MYPOP: variants seen among roughly 807,000 people sequenced by gnomAD.
MYPOP encodes the protein Myb related transcription factor, partner of profilin.
MYPOP carries 21 observed loss-of-function variants against 25.7 expected under a neutral mutation model. The ratio of observed to expected loss-of-function variants is 0.82; its 90% confidence interval spans 0.58 to 1.18. The LOEUF (loss-of-function observed/expected upper bound fraction) is 1.18, where lower values mean the gene tolerates loss of function less well. Ranked by LOEUF, MYPOP falls within the 50% of genes most tolerant of loss-of-function variation. The pLI is 0.00. For missense variants in MYPOP, 566 were observed against 588.3 expected, an observed-to-expected ratio of 0.96 and a Z score of 0.39; for synonymous variants, 280 against 247.9, an observed-to-expected ratio of 1.13 and a Z score of -1.22.
In MYPOP at chr19:45,890,940, G is replaced by T; in HGVS notation, c.883C>A (p.Leu295Met). 1 of 1,460,614 alleles carries T rather than the reference G, an allele frequency of 6.8e-7. No individual in the cohort carries two copies. The allele number at this position is 1,460,614 out of a possible 1,614,324, so 90.5% of individuals were successfully genotyped here. A position where few individuals can be genotyped will look rare whatever the true frequency, so the allele number is the denominator to read the frequency against. The change falls in exon 3 of 3, where the codon CTG becomes ATG. Residue 295 changes from leucine to methionine, a missense_variant. Leu to Met is a conservative substitution (Grantham distance 15, BLOSUM62 2). Transcript: ENST00000322217. ...ACTGGGGTTCCTGGCAGAAGGGGCA[G>T]CAGAGCGCTGAGGGCCTCGCTCAGT... ...AKLSEALSAL[L>M]PLLPGTPVDS...
Position 45,890,721 on chromosome 19 carries a change from G to GGGGGC in MYPOP, c.1101_1102insGCCCC (p.Pro368AlafsTer40). 2 of 1,418,516 alleles carry GGGGGC rather than the reference G, an allele frequency of 1.4e-6. No homozygotes were observed. Among genetic ancestry groups the GGGGGC allele is most frequent in the Non-Finnish European group, 1.9e-6 (2 of 1,026,520 alleles). The allele number at this position is 1,418,516 out of a possible 1,614,324, so 87.9% of individuals were successfully genotyped here. Reference sequence around the variant, plus strand: ...TGCGGAGGGAGCGGGGCTGGGGGGGGCCGGGGTGCCCCCTCCTCGCTCCTT... The same window carrying GGGGGC: ...TGCGGAGGGAGCGGGGCTGGGGGGGGGGGGCCCGGGGTGCCCCCTCCTCGCTCCTT... On this transcript the variant is annotated frameshift_variant, in exon 3 of 3. Coordinates refer to ENST00000322217, the MANE Select transcript of MYPOP (RefSeq NM_001012643.4). LOFTEE classifies it high-confidence loss of function.
At chr19:45,897,411 G>T (rs1208982652) in intron 2 of MYPOP, among the ~76,000 whole-genome samples, 1 of 152,126 alleles carries the variant, frequency 6.6e-6, no homozygotes, top group African/African-American at 2.4e-5. Context: ...TGGGCCTGGG[G>T]TGTGAGTGAC....
chr19:45,890,504 G>A lies in MYPOP; in HGVS notation c.*119C>T. The stretch of plus-strand genomic sequence containing the variant: ...AGGCACTAACTAGCACAGGGAGTGG[G>A]TGCTCACATCCCTGGAGCAGGGAGC... On this transcript the variant is annotated 3_prime_UTR_variant, in exon 3 of 3. Transcript: ENST00000322217. The A allele has an allele frequency of 6.1e-6, 9 of 1,478,730 alleles. No individual in the cohort carries two copies. Among genetic ancestry groups the A allele is most frequent in the Non-Finnish European group, 7.2e-6 (8 of 1,108,394 alleles). The allele number at this position is 1,478,730 out of a possible 1,614,324, so 91.6% of individuals were successfully genotyped here. A position where few individuals can be genotyped will look rare whatever the true frequency, so the allele number is the denominator to read the frequency against.
rs1378594957 is a variant in MYPOP at position 45,900,849 on chromosome 19, C to T, written c.499+426G>A. ...ACTAAGCAACTTACCCATATTAGCT[C>T]ATTTAATCTTCACAGCAACGCTTTG... On this transcript the variant is annotated intron_variant, in intron 2 of 2. Coordinates refer to ENST00000322217, the MANE Select transcript of MYPOP (RefSeq NM_001012643.4). Among the ~76,000 whole-genome samples, 6 of 152,202 alleles carry T rather than the reference C, an allele frequency of 3.9e-5. No homozygotes were observed. In the East Asian group the frequency reaches 1.2e-3, roughly 29 times the overall value.
At chr19:45,900,555 C>A (rs1336918285) in intron 2 of MYPOP, among the ~76,000 whole-genome samples, 1 of 151,694 alleles carries the variant, frequency 6.6e-6, no homozygotes, top group Non-Finnish European at 1.5e-5. Context: ...CCCCACCCCC[C>A]TACTAGACTG....
Position 45,901,012 on chromosome 19 carries a change from A to G in MYPOP, c.499+263T>C, listed in dbSNP as rs776046939. 2.0e-5 allele frequency among the ~76,000 whole-genome samples: 3 copies of G among 152,198 alleles called. No homozygotes were observed. Among genetic ancestry groups the G allele is most frequent in the Non-Finnish European group, 4.4e-5 (3 of 68,026 alleles). ...CTCCAGAGTCACTACTCGACACTGC[A>G]TTTAATGAAATCCTGCCTGTGCTGA... is the stretch of plus-strand genomic sequence containing the variant. On this transcript the variant is annotated intron_variant, in intron 2 of 2. Transcript: ENST00000322217. The surrounding 1 kb of genome is among the most constrained non-coding windows in gnomAD (Gnocchi z 5.7).
At chr19:45,900,457 C>CG (rs1433916465) in intron 2 of MYPOP, among the ~76,000 whole-genome samples, 1 of 146,506 alleles carries the variant, frequency 6.8e-6, no homozygotes, top group African/African-American at 2.5e-5. Context: ...CCACCCCCCC[C>CG]CCCACCGAAA....
chr19:45,891,221 T>A lies in MYPOP; in HGVS notation c.602A>T (p.Glu201Val). ...EGGCPRPKER[E>V]SPPPSALQPV... ...CTGCAGGGCCGAAGGGGGTGGTGACTCACGCTCCTTGGGCCGTGGGCAGCC... is the reference window on the plus strand; with the variant it reads ...CTGCAGGGCCGAAGGGGGTGGTGACACACGCTCCTTGGGCCGTGGGCAGCC... Residue 201 changes from glutamate to valine, a missense_variant, in exon 3 of 3, where the codon GAG becomes GTG. Transcript: ENST00000322217. The A allele has an allele frequency of 6.5e-7, 1 of 1,538,148 alleles. No individual in the cohort carries two copies. The highest frequency in any genetic ancestry group is 1.2e-5 in the South Asian group (1 of 83,560).
chr19:45,899,024 C>T (rs928739263), intron 2 of MYPOP, among the ~76,000 whole-genome samples: 2 of 152,032 alleles, frequency 1.3e-5, no homozygotes, highest in Admixed American at 6.6e-5. Context: ...GTCGGGAGTT[C>T]GAGACCAGCC....
At chr19:45,895,334 C>T (rs1967187923) in intron 2 of MYPOP, among the ~76,000 whole-genome samples, 3 of 152,100 alleles carry the variant, frequency 2.0e-5, no homozygotes, top group Admixed American at 6.6e-5. Context: ...CAACCTCTGC[C>T]TCCTGGGCTC....
Position 45,891,194 on chromosome 19 carries a change from G to T in MYPOP, c.629C>A (p.Pro210Gln). The T allele has an allele frequency of 6.5e-7, 1 of 1,530,004 alleles. No homozygotes were observed. Among genetic ancestry groups the T allele is most frequent in the East Asian group, 2.4e-5 (1 of 41,030 alleles). The allele number at this position is 1,530,004 out of a possible 1,614,324, so 94.8% of individuals were successfully genotyped here. The change falls in exon 3 of 3, where the codon CCG (proline) becomes CAG (glutamine). Residue 210 changes from proline (P) to glutamine (Q), a missense_variant. Pro to Gln is a moderately conservative substitution (Grantham distance 76). Transcript: ENST00000322217. ...CAAGGCCAGGCGAGGCAGCTGGACC[G>T]GCTGCAGGGCCGAAGGGGGTGGTGA... ...RESPPPSALQ[P>Q]VQLPRLALSP...
chr19:45,901,135 T>A lies in MYPOP; in HGVS notation c.499+140A>T, dbSNP rs374576476. 6.0e-4 allele frequency: 508 copies of A among 853,570 alleles called. No individual in the cohort carries two copies. In the African/African-American group the frequency reaches 8.6e-3, roughly 14 times the overall value. The allele number at this position is 853,570 out of a possible 1,614,324, so 52.9% of individuals were successfully genotyped here. A position where few individuals can be genotyped will look rare whatever the true frequency, so the allele number is the denominator to read the frequency against. On this transcript the variant is annotated intron_variant, in intron 2 of 2. Coordinates refer to ENST00000322217, the MANE Select transcript of MYPOP (RefSeq NM_001012643.4). The surrounding 1 kb of genome is among the most constrained non-coding windows in gnomAD (Gnocchi z 5.7). ...ATCGGAACTGAGGCAAGTCATTTCA[T>A]TTTTCTGAGCTTCAGTTTCCCTAGC... is the stretch of plus-strand genomic sequence containing the variant.
chr19:45,902,102 G>C (rs896784087), intron 1 of MYPOP, among the ~76,000 whole-genome samples: 3 of 150,498 alleles, frequency 2.0e-5, no homozygotes, highest in African/African-American at 4.9e-5. Context: ...AGGAGGAAAA[G>C]TGCGAGGAGA....
Position 45,891,032 on chromosome 19 carries a change from C to G in MYPOP, c.791G>C (p.Arg264Pro). 1 of 1,522,364 alleles carries G rather than the reference C, an allele frequency of 6.6e-7. No individual in the cohort carries two copies. The highest frequency in any genetic ancestry group is 2.0e-5 in the Admixed American group (1 of 49,196). 94.3% of individuals were successfully genotyped at this position (1,522,364 alleles called of 1,614,324 possible). A position where few individuals can be genotyped will look rare whatever the true frequency, so the allele number is the denominator to read the frequency against. The stretch of plus-strand genomic sequence containing the variant: ...GGCGTTGGCAGTCTCCTGCTGGGCC[C>G]GCAGGAAGTCCAGGGAGGGGTCTGA... The part of the protein sequence containing the change: ...SASDPSLDFL[R>P]AQQETANAIR... The change falls in exon 3 of 3, where the codon CGG becomes CCG. Residue 264 changes from arginine (R) to proline (P), a missense_variant. Coordinates refer to ENST00000322217, the MANE Select transcript of MYPOP (RefSeq NM_001012643.4).
In MYPOP at chr19:45,891,276, C is replaced by T. The variant is rs1967120989; in HGVS notation, c.547G>A (p.Ala183Thr). The T allele has an allele frequency of 6.5e-7, 1 of 1,550,014 alleles. No individual in the cohort carries two copies. The highest frequency in any genetic ancestry group is 8.7e-7 in the Non-Finnish European group (1 of 1,154,520). ...KAGSSSPEPW[A>T]RPSCTPQEGG... ...TCCTGGGGAGTGCAGGAGGGCCGGG[C>T]CCATGGCTCCGGGCTGCTGGAGCCC... The change falls in exon 3 of 3, where the codon GCC (alanine) becomes ACC (threonine). Residue 183 changes from alanine to threonine, a missense_variant. Transcript: ENST00000322217.
intron 2 of MYPOP, among the ~76,000 whole-genome samples, chr19:45,894,005 G>A (rs1404017631): frequency 3.3e-5 from 5 of 151,202 alleles, no homozygotes; most frequent in Admixed American, 3.3e-4. Flanking sequence ...TAGCCAGGAT[G>A]GTCTCGATCT....
chr19:45,892,230 C>A (rs576425959), intron 2 of MYPOP, among the ~76,000 whole-genome samples: 3 of 152,238 alleles, frequency 2.0e-5, no homozygotes, highest in African/African-American at 7.2e-5. Context: ...CAAGGGCCAA[C>A]ATTTGACGAG....
Position 45,890,936 on chromosome 19 carries a change from G to A in MYPOP, c.887C>T (p.Pro296Leu). Residue 296 changes from proline (P) to leucine (L), a missense_variant, in exon 3 of 3, where the codon CCC becomes CTC. Coordinates refer to ENST00000322217, the MANE Select transcript of MYPOP (RefSeq NM_001012643.4). ...KLSEALSALLPLLPGTPVDSL... is the reference protein window; with the variant it reads ...KLSEALSALLLLLPGTPVDSL... Reference sequence around the variant, plus strand: ...GTCAACTGGGGTTCCTGGCAGAAGGGGCAGCAGAGCGCTGAGGGCCTCGCT... The same window carrying A: ...GTCAACTGGGGTTCCTGGCAGAAGGAGCAGCAGAGCGCTGAGGGCCTCGCT... 6.9e-7 allele frequency: 1 copy of A among 1,457,116 alleles called. No homozygotes were observed. Among genetic ancestry groups the A allele is most frequent in the East Asian group, 2.5e-5 (1 of 40,524 alleles). 90.3% of individuals were successfully genotyped at this position (1,457,116 alleles called of 1,614,324 possible). A position where few individuals can be genotyped will look rare whatever the true frequency, so the allele number is the denominator to read the frequency against.
At chr19:45,894,347 T>C (rs959987386) in intron 2 of MYPOP, among the ~76,000 whole-genome samples, 1 of 152,088 alleles carries the variant, frequency 6.6e-6, no homozygotes, top group African/African-American at 2.4e-5. Flanking sequence ...TCTCCTGACC[T>C]TGTGATCCAC....
Sources: gnomAD v4.1 joint callset for allele counts (sites outside exome capture counted in the v4.1 genomes callset) on GRCh38, gnomAD v4.1.1 for gene constraint, Gnocchi (gnomAD v3.1) non-coding constraint, MANE v1.5 for transcripts, NCBI Gene and HGNC (gene_info 2026-07-23, HGNC 2026-07-21) for gene names.